PPFIBP1: variants seen among roughly 807,000 people sequenced by gnomAD.
PPFIBP1 encodes the protein PPFIB scaffold protein 1.
Under a neutral mutation model 137.8 loss-of-function variants are expected in PPFIBP1, and 112 were observed. The ratio of observed to expected loss-of-function variants is 0.81; its 90% CI spans 0.70 to 0.95. The LOEUF is 0.95. Among genes scored for constraint, PPFIBP1 ranks in the 40% least tolerant of loss-of-function variants. The pLI is 0.00. For synonymous variants in PPFIBP1, 378 were observed against 417.3 expected, an observed-to-expected ratio of 0.91 and a Z score of 1.15; for missense variants, 1,083 against 1,196.6, an observed-to-expected ratio of 0.91 and a Z score of 1.40.
At position 27,567,113 on chromosome 12, in the gene PPFIBP1, C is replaced by T. The variant is rs143993815; in HGVS notation, c.-123-11039C>T. ...CAGAATATCAATAAGGAAAAATTAA[C>T]CTACGTGAATTTTAAAGGTGAACTG... On this transcript the variant is annotated intron_variant, in intron 1 of 29. Coordinates refer to ENST00000228425, the MANE Select transcript of PPFIBP1 (RefSeq NM_003622.4). Among the ~76,000 whole-genome samples, 240 of 152,214 alleles carry T rather than the reference C, an allele frequency of 1.6e-3. 1 individual carries two copies. In the South Asian group the frequency reaches 0.03, roughly 19 times the overall value.
At chr12:27,582,465 G>A (rs150768772) in intron 2 of PPFIBP1, among the ~76,000 whole-genome samples, 2,610 of 152,304 alleles carry the variant, frequency 0.017, 73 homozygotes, top group African/African-American at 0.06. Flanking sequence ...TCGTTTCAGT[G>A]AGCCATGGTT....
chr12:27,686,736 A>G (rs2061224194), intron 24 of PPFIBP1, among the ~76,000 whole-genome samples: 1 of 152,172 alleles, frequency 6.6e-6, no homozygotes, highest in African/African-American at 2.4e-5. Flanking sequence ...GATGTGCCTT[A>G]GTTCAGAAAA....
intron 25 of PPFIBP1, 88 bp from the exon 26 acceptor site, chr12:27,688,207 TGGG>T: frequency 7.4e-7 from 1 of 1,355,212 alleles, no homozygotes. Flanking sequence ...TTGCATTTAG[TGGG>T]TTGTTGAGTA....
At chr12:27,591,972 A>G (rs1592689766) in intron 2 of PPFIBP1, among the ~76,000 whole-genome samples, 1 of 152,282 alleles carries the variant, frequency 6.6e-6, no homozygotes, top group Non-Finnish European at 1.5e-5. Context: ...TCACGCTGCT[A>G]CCTACTGAAA....
intron 10 of PPFIBP1, 145 bp from the exon 11 acceptor site, chr12:27,660,739 G>T (rs1231221277): frequency 4.1e-6 from 5 of 1,218,220 alleles, no homozygotes; most frequent in East Asian, 2.7e-5. Context: ...GAGAATATGG[G>T]TGTTAAATGT....
intron 2 of PPFIBP1, among the ~76,000 whole-genome samples, chr12:27,611,594 C>T (rs568979286): frequency 2.6e-5 from 4 of 152,230 alleles, no homozygotes; most frequent in Admixed American, 6.5e-5. Flanking sequence ...GTAGTTGAAC[C>T]GCAACACAAA....
chr12:27,647,583 T>C (rs947012440), intron 5 of PPFIBP1, 146 bp from the exon 6 acceptor site: 67 of 535,460 alleles, frequency 1.3e-4, no homozygotes, highest in African/African-American at 1.2e-3. Context: ...GGGACCACTG[T>C]CTTCTTGGTA....
At chr12:27,629,893 C>G (rs1218217688) in intron 2 of PPFIBP1, among the ~76,000 whole-genome samples, 1 of 152,134 alleles carries the variant, frequency 6.6e-6, no homozygotes, top group Non-Finnish European at 1.5e-5. Context: ...TTGTGTGTTT[C>G]TTACTCTTCT....
At chr12:27,553,774 G>A (rs971142818) in intron 1 of PPFIBP1, among the ~76,000 whole-genome samples, 1 of 152,182 alleles carries the variant, frequency 6.6e-6, no homozygotes, top group Non-Finnish European at 1.5e-5. Context: ...TCCTCTATTA[G>A]AACAGGCAGA....
chr12:27,557,522 C>T (rs1252314643), intron 1 of PPFIBP1, among the ~76,000 whole-genome samples: 1 of 152,164 alleles, frequency 6.6e-6, no homozygotes, highest in Non-Finnish European at 1.5e-5. Context: ...CATGAGCCAC[C>T]ACGCCCGGCT....
chr12:27,670,360 T>C (rs1479879158), intron 13 of PPFIBP1, among the ~76,000 whole-genome samples: 2 of 152,218 alleles, frequency 1.3e-5, no homozygotes, highest in African/African-American at 2.4e-5. Flanking sequence ...TCCATTGTAA[T>C]TGGTTTTAAT....
rs2061657283 is a variant in PPFIBP1 at position 27,693,427 on chromosome 12, T to C, written c.*545T>C. 6.6e-6 allele frequency: 1 copy of C among 152,274 alleles called. No individual in the cohort carries two copies. The highest frequency in any genetic ancestry group is 2.1e-4 in the South Asian group (1 of 4,816). 9.4% of individuals were successfully genotyped at this position (152,274 alleles called of 1,614,324 possible). On this transcript the variant is annotated 3_prime_UTR_variant, in exon 30 of 30. Transcript: ENST00000228425. ...GTACATAGAAAATAGAACTTTTATT[T>C]TGTGACCTAAGGACGATGGTGAAAA...
At chr12:27,679,448 A>T in intron 19 of PPFIBP1, 41 bp from the exon 20 acceptor site, 1 of 1,564,576 alleles carries the variant, frequency 6.4e-7, no homozygotes, top group Non-Finnish European at 8.7e-7. Flanking sequence ...TGTTTATTCC[A>T]TATTTTAAAA....
chr12:27,680,039 C>A lies in PPFIBP1; in HGVS notation c.1873C>A (p.Arg625=), dbSNP rs151071761. 309 of 1,613,872 alleles carry A rather than the reference C, an allele frequency of 1.9e-4. No homozygotes were observed. The highest frequency in any genetic ancestry group is 2.4e-4 in the Non-Finnish European group (281 of 1,179,936). ...CGCGGGGCCCCGATTAGGTTGGTCT[C>A]GAGACTTGGGACAGTCTAACAGGTA... ...ATAGPRLGWS[R]DLGQSNSDLD... The change falls in exon 21 of 30, where the codon CGA becomes AGA. Residue 625 remains arginine (R), a synonymous_variant. Transcript: ENST00000228425.
chr12:27,586,975 A>C (rs1348878165), intron 2 of PPFIBP1, among the ~76,000 whole-genome samples: 1 of 152,262 alleles, frequency 6.6e-6, no homozygotes, highest in African/African-American at 2.4e-5. Context: ...CAAAAATTTC[A>C]AACGGCAGAG....
chr12:27,633,468 G>C lies in PPFIBP1; in HGVS notation c.64+8G>C, dbSNP rs373628355. Reference sequence around the variant, plus strand: ...TGGATGGTATCATAGCAGGTGATCTGCATCCTGTGAAAGACAGAATCACAA... The same window carrying C: ...TGGATGGTATCATAGCAGGTGATCTCCATCCTGTGAAAGACAGAATCACAA... On this transcript the variant is annotated splice_region_variant and intron_variant, in intron 3 of 29. Transcript: ENST00000228425. The C allele has an allele frequency of 1.9e-5, 31 of 1,609,600 alleles. No homozygotes were observed. Among genetic ancestry groups the C allele is most frequent in the Admixed American group, 5.0e-5 (3 of 59,644 alleles).
chr12:27,642,566 A>C (rs2058187731), intron 4 of PPFIBP1, among the ~76,000 whole-genome samples: 1 of 152,202 alleles, frequency 6.6e-6, no homozygotes, highest in Admixed American at 6.5e-5. Flanking sequence ...CCTGAGGCAG[A>C]ATATGATGAA....
chr12:27,681,529 T>C lies in PPFIBP1; in HGVS notation c.1896-17T>C. 2 of 1,610,834 alleles carry C rather than the reference T, an allele frequency of 1.2e-6. No homozygotes were observed. The highest frequency in any genetic ancestry group is 1.7e-6 in the Non-Finnish European group (2 of 1,177,300). ...GGCTTTGGATTATTTTTCATGCAAT[T>C]ACTCATTTTCCTGTAGTGACTTGGA... On this transcript the variant is annotated splice_polypyrimidine_tract_variant and intron_variant, in intron 21 of 29. Transcript: ENST00000228425.
intron 12 of PPFIBP1, among the ~76,000 whole-genome samples, chr12:27,666,674 A>G (rs972069486): frequency 1.3e-5 from 2 of 152,232 alleles, no homozygotes; most frequent in African/African-American, 4.8e-5. Flanking sequence ...TGAGAGATCA[A>G]AGATCATCTG....
Sources: allele counts gnomAD v4.1 joint callset (sites outside exome capture counted in the v4.1 genomes callset), GRCh38; gene constraint gnomAD v4.1.1; transcripts MANE v1.5; gene names NCBI Gene and HGNC (gene_info 2026-07-23, HGNC 2026-07-21).